NXPE2: variants seen among roughly 807,000 people sequenced by gnomAD.
The protein encoded by NXPE2 is NXPE family member 2.
A neutral mutation model predicts 34.4 loss-of-function variants in NXPE2; 34 were observed. That is an observed-to-expected ratio of 0.99 (90% CI 0.75 to 1.31). The LOEUF (loss-of-function observed/expected upper bound fraction) is 1.31. Ranked by LOEUF, NXPE2 falls within the 40% of genes most tolerant of loss-of-function variation. The probability of loss-of-function intolerance (pLI) is 0.00; values close to 1 mark genes in which losing one functional copy is unlikely to be tolerated. For missense variants in NXPE2, 649 were observed against 672.5 expected (o/e 0.97, Z 0.39); for synonymous variants, 235 against 231.3 (o/e 1.02, Z -0.15).
the NXPE2 span, among the ~76,000 whole-genome samples, chr11:114,713,064 T>A: frequency 6.6e-6 from 1 of 152,186 alleles, no homozygotes; most frequent in Non-Finnish European, 1.5e-5. Flanking sequence ...TCCTATGATG[T>A]ATTCATAGCA....
the NXPE2 span, among the ~76,000 whole-genome samples, chr11:114,761,700 A>AG: frequency 6.6e-6 from 1 of 151,216 alleles, no homozygotes; most frequent in Non-Finnish European, 1.5e-5. Context: ...CAGCCTCCCG[A>AG]GTAGCTGGGA....
chr11:114,769,098 TAAAC>T, the NXPE2 span, among the ~76,000 whole-genome samples: 23 of 150,774 alleles, frequency 1.5e-4, no homozygotes, highest in African/African-American at 5.1e-4. Context: ...ACTAAGAACT[TAAAC>T]AAATTTGCAA....
At chr11:114,519,418 T>C in the NXPE2 span, among the ~76,000 whole-genome samples, 1 of 152,196 alleles carries the variant, frequency 6.6e-6, no homozygotes, top group Non-Finnish European at 1.5e-5. Flanking sequence ...AATAAAGTTC[T>C]CTTTGGGGGA....
At chr11:114,787,567 C>T in the NXPE2 span, among the ~76,000 whole-genome samples, 1 of 152,166 alleles carries the variant, frequency 6.6e-6, no homozygotes, top group East Asian at 1.9e-4. Context: ...AGTATATTTA[C>T]TGAGAGTGCA....
chr11:114,783,125 C>A, the NXPE2 span, among the ~76,000 whole-genome samples: 72,286 of 152,070 alleles, frequency 0.48, 18,408 homozygotes, highest in Non-Finnish European at 0.57. Flanking sequence ...ATTTCGTAAC[C>A]TGCAGTCGAT....
At chr11:114,606,250 A>G in the NXPE2 span, among the ~76,000 whole-genome samples, 1 of 151,410 alleles carries the variant, frequency 6.6e-6, no homozygotes, top group African/African-American at 2.4e-5. Context: ...CTGGATAACA[A>G]GTGTTGCCTT....
the NXPE2 span, among the ~76,000 whole-genome samples, chr11:114,737,862 C>A: frequency 6.6e-6 from 1 of 152,126 alleles, no homozygotes; most frequent in African/African-American, 2.4e-5. Flanking sequence ...GCGGGCAGAT[C>A]ACCTGAGCTT....
the NXPE2 span, among the ~76,000 whole-genome samples, chr11:114,738,245 G>A: frequency 6.6e-5 from 10 of 152,278 alleles, no homozygotes; most frequent in East Asian, 1.7e-3. Context: ...GTAAATCTTT[G>A]TGTATTTTTC....
the NXPE2 span, among the ~76,000 whole-genome samples, chr11:114,478,380 G>A: frequency 6.6e-6 from 1 of 152,122 alleles, no homozygotes; most frequent in Non-Finnish European, 1.5e-5. Flanking sequence ...AAGAAGGTTT[G>A]TTTAGCTTTT....
the NXPE2 span, among the ~76,000 whole-genome samples, chr11:114,507,783 A>T: frequency 6.6e-6 from 1 of 152,212 alleles, no homozygotes; most frequent in East Asian, 1.9e-4. Flanking sequence ...CATAGCCAAC[A>T]TCATACTGAA....
chr11:114,675,199 T>C (rs1950844196), upstream of NXPE2, among the ~76,000 whole-genome samples: 1 of 151,760 alleles, frequency 6.6e-6, no homozygotes, highest in South Asian at 2.1e-4. Context: ...AACCCACAAC[T>C]AATATCATAC....
chr11:114,577,040 TAA>T, the NXPE2 span, among the ~76,000 whole-genome samples: 5 of 31,420 alleles, frequency 1.6e-4, no homozygotes, highest in African/African-American at 2.7e-4. Flanking sequence ...TATATATATA[TAA>T]AGTTATATAT....
At chr11:114,476,737 C>T in the NXPE2 span, among the ~76,000 whole-genome samples, 6 of 152,222 alleles carry the variant, frequency 3.9e-5, no homozygotes, top group Admixed American at 3.9e-4. Flanking sequence ...GAGGAAACTG[C>T]CCCATGATCC....
chr11:114,584,052 C>A, the NXPE2 span: 1 of 320,416 alleles, frequency 3.1e-6, no homozygotes, highest in Admixed American at 3.8e-5. Context: ...GATGCCTTGT[C>A]TAGGGGTCAC....
At chr11:114,780,444 T>C in the NXPE2 span, among the ~76,000 whole-genome samples, 1 of 152,104 alleles carries the variant, frequency 6.6e-6, no homozygotes, top group Non-Finnish European at 1.5e-5. Flanking sequence ...AAGGGGAGGA[T>C]GTGGTAGAAG....
At chr11:114,576,337 A>C in the NXPE2 span, among the ~76,000 whole-genome samples, 1 of 139,134 alleles carries the variant, frequency 7.2e-6, no homozygotes, top group East Asian at 2.6e-4. Context: ...CAACAAAAAC[A>C]AACATAAATG....
the NXPE2 span, among the ~76,000 whole-genome samples, chr11:114,577,161 CATATATA>C: frequency 4.5e-5 from 6 of 134,574 alleles, no homozygotes; most frequent in Admixed American, 4.6e-4. Flanking sequence ...ATATATGTGT[CATATATA>C]TATATATATA....
chr11:114,758,147 TCA>T, the NXPE2 span, among the ~76,000 whole-genome samples: 1 of 150,614 alleles, frequency 6.6e-6, no homozygotes, highest in African/African-American at 2.5e-5. Context: ...CTGGAGTTGT[TCA>T]CAGACACTAT....
At chr11:114,725,695 C>T in the NXPE2 span, among the ~76,000 whole-genome samples, 1 of 151,832 alleles carries the variant, frequency 6.6e-6, no homozygotes. Context: ...CATCAGCATC[C>T]CTAATCTCTC....
Sources: gnomAD v4.1 joint callset for allele counts (sites outside exome capture counted in the v4.1 genomes callset) on GRCh38, gnomAD v4.1.1 for gene constraint, MANE v1.5 for transcripts, NCBI Gene and HGNC (gene_info 2026-07-23, HGNC 2026-07-21) for gene names.